CNGA1: variants seen among roughly 807,000 people sequenced by gnomAD.
CNGA1 encodes the protein cyclic nucleotide gated channel subunit alpha 1.
CNGA1 carries 53 observed loss-of-function variants against 69.7 expected under a neutral mutation model. That is an observed-to-expected ratio of 0.76 (90% confidence interval 0.61 to 0.96). The LOEUF is 0.96. Ranked by LOEUF, CNGA1 falls within the 40% of genes least tolerant of loss-of-function variation. CNGA1 has a pLI of 0.00. For missense variants in CNGA1, 739 were observed against 811.2 expected (o/e 0.91, Z 1.08); for synonymous variants, 249 against 283.5 (o/e 0.88, Z 1.22).
At chr4:47,997,378 G>A (rs1714418557) in intron 2 of CNGA1, among the ~76,000 whole-genome samples, 1 of 152,124 alleles carries the variant, frequency 6.6e-6, no homozygotes, top group Non-Finnish European at 1.5e-5. Context: ...CTGTTAAAAT[G>A]AGTTTTTGTC....
chr4:48,008,230 T>C (rs1270426247), intron 2 of CNGA1, among the ~76,000 whole-genome samples: 1 of 152,216 alleles, frequency 6.6e-6, no homozygotes, highest in Non-Finnish European at 1.5e-5. Flanking sequence ...AGACCATTCA[T>C]GACATGCTTG....
At chr4:47,977,007 G>T (rs906520377) in intron 3 of CNGA1, among the ~76,000 whole-genome samples, 2 of 152,182 alleles carry the variant, frequency 1.3e-5, no homozygotes, top group South Asian at 2.1e-4. Context: ...ATAGGAGTTT[G>T]CGACAGTAGA....
chr4:48,005,105 A>ATTAT (rs58158986), intron 2 of CNGA1, among the ~76,000 whole-genome samples: 75,657 of 145,200 alleles, frequency 0.52, 20,792 homozygotes, highest in Non-Finnish European at 0.62. Context: ...TTGCTTTTTT[A>ATTAT]TTATTTATTT....
Position 47,981,480 on chromosome 4 carries a change from G to A in CNGA1, c.-102C>T, listed in dbSNP as rs1481841889. ...CAAACAGGGATATACGGTAAATCTT[G>A]ACATTGTCAAAATCCAGGCCCTAAT... On this transcript the variant is annotated 5_prime_UTR_variant, in exon 3 of 11. Transcript: ENST00000514170. 1 of 152,158 alleles carries A rather than the reference G, an allele frequency of 6.6e-6. No individual in the cohort carries two copies. The highest frequency in any genetic ancestry group is 1.5e-5 in the Non-Finnish European group (1 of 68,030). 9.4% of individuals were successfully genotyped at this position (152,158 alleles called of 1,614,324 possible). A position where few individuals can be genotyped will look rare whatever the true frequency, so the allele number is the denominator to read the frequency against.
At chr4:47,966,118 T>G (rs1740711166) in intron 3 of CNGA1, among the ~76,000 whole-genome samples, 1 of 152,172 alleles carries the variant, frequency 6.6e-6, no homozygotes, top group Admixed American at 6.5e-5. Flanking sequence ...ACCAAAGCAA[T>G]GGTTGAGAAA....
At chr4:48,011,884 G>A (rs2109357556) in intron 1 of CNGA1, among the ~76,000 whole-genome samples, 1 of 152,288 alleles carries the variant, frequency 6.6e-6, no homozygotes, top group East Asian at 1.9e-4. Flanking sequence ...AAGTTCTTTT[G>A]AAGTCTTAAT....
intron 2 of CNGA1, among the ~76,000 whole-genome samples, chr4:47,991,095 T>C (rs951917646): frequency 2.0e-5 from 3 of 152,234 alleles, no homozygotes; most frequent in Non-Finnish European, 4.4e-5. Flanking sequence ...TTTTTGCAAT[T>C]GCAAATTGTG....
chr4:47,979,138 T>G (rs941506463), intron 3 of CNGA1, among the ~76,000 whole-genome samples: 1 of 151,734 alleles, frequency 6.6e-6, no homozygotes, highest in African/African-American at 2.4e-5. Context: ...CTGGGCAACA[T>G]GGCAAAACCC....
At chr4:47,998,468 C>G (rs1714495030) in intron 2 of CNGA1, among the ~76,000 whole-genome samples, 1 of 152,042 alleles carries the variant, frequency 6.6e-6, no homozygotes, top group African/African-American at 2.4e-5. Flanking sequence ...CAGTGAAGAC[C>G]TCAGGCATTA....
chr4:47,985,799 A>G (rs1578113802), intron 2 of CNGA1, among the ~76,000 whole-genome samples: 1 of 151,512 alleles, frequency 6.6e-6, no homozygotes, highest in East Asian at 1.9e-4. Flanking sequence ...TGAACTAAAT[A>G]TTACGGATTC....
intron 3 of CNGA1, chr4:47,971,214 T>C (rs1340039063): frequency 3.3e-5 from 11 of 335,024 alleles, no homozygotes; most frequent in South Asian, 2.7e-4. Context: ...CGTAAAGGAG[T>C]GGTGAGAATC....
At chr4:47,999,332 G>A (rs73244467) in intron 2 of CNGA1, among the ~76,000 whole-genome samples, 17,293 of 152,190 alleles carry the variant, frequency 0.11, 1,590 homozygotes, top group East Asian at 0.32. Flanking sequence ...ATAAAAGAGA[G>A]CTATGATACT....
chr4:48,001,257 G>A (rs974952934), intron 2 of CNGA1, among the ~76,000 whole-genome samples: 4 of 152,194 alleles, frequency 2.6e-5, no homozygotes, highest in Non-Finnish European at 5.9e-5. Flanking sequence ...CTTGAGGTCA[G>A]GAGTTCGAGA....
At chr4:47,965,874 C>A (rs963684919) in intron 3 of CNGA1, among the ~76,000 whole-genome samples, 1 of 152,076 alleles carries the variant, frequency 6.6e-6, no homozygotes, top group African/African-American at 2.4e-5. Flanking sequence ...ATACACTTTT[C>A]AACTCTTGAG....
At chr4:47,980,892 A>ATTC (rs1553868204) in intron 3 of CNGA1, among the ~76,000 whole-genome samples, 2 of 149,630 alleles carry the variant, frequency 1.3e-5, no homozygotes, top group Non-Finnish European at 3.0e-5. Context: ...CGAGGCACTT[A>ATTC]ATCTCTTCAG....
intron 3 of CNGA1, chr4:47,971,102 T>TG (rs1553866549): frequency 1.8e-5 from 7 of 389,860 alleles, no homozygotes; most frequent in Non-Finnish European, 3.6e-5. Context: ...AGACTCCATC[T>TG]AAAAAAAAAA....
At chr4:47,967,336 C>A (rs1166402095) in intron 3 of CNGA1, among the ~76,000 whole-genome samples, 1 of 151,764 alleles carries the variant, frequency 6.6e-6, no homozygotes, top group Non-Finnish European at 1.5e-5. Flanking sequence ...AAAAAAGAAA[C>A]TACAGTTGAC....
At chr4:48,008,749 C>G (rs1198707033) in intron 2 of CNGA1, among the ~76,000 whole-genome samples, 14 of 152,210 alleles carry the variant, frequency 9.2e-5, no homozygotes, top group Admixed American at 7.9e-4. Flanking sequence ...CTGACTCCAT[C>G]TTGCTTCTAA....
At chr4:47,999,034 C>T (rs998212582) in intron 2 of CNGA1, among the ~76,000 whole-genome samples, 1 of 152,190 alleles carries the variant, frequency 6.6e-6, no homozygotes, top group African/African-American at 2.4e-5. Flanking sequence ...CCAAGTCATT[C>T]ACCTCCTTCG....
Sources: gnomAD v4.1 joint callset for allele counts (sites outside exome capture counted in the v4.1 genomes callset) on GRCh38, gnomAD v4.1.1 for gene constraint, MANE v1.5 for transcripts, NCBI Gene and HGNC (gene_info 2026-07-23, HGNC 2026-07-21) for gene names.